TBX15: variants seen among roughly 807,000 people sequenced by gnomAD.
TBX15 encodes the protein T-box transcription factor TBX15.
A neutral mutation model predicts 53.9 loss-of-function variants in TBX15; 18 were observed. The observed-to-expected ratio is 0.33, with a 90% confidence interval of 0.23 to 0.49. The LOEUF (loss-of-function observed/expected upper bound fraction) is 0.49, where lower values mean the gene tolerates loss of function less well. Ranked by LOEUF, TBX15 falls within the 20% of genes least tolerant of loss-of-function variation. The pLI, the probability that TBX15 is intolerant of heterozygous loss-of-function variation, is 0.98. For missense variants in TBX15, 692 were observed against 749.5 expected, an observed-to-expected ratio of 0.92 and a Z score of 0.90; for synonymous variants, 295 against 278.0, an observed-to-expected ratio of 1.06 and a Z score of -0.61.
In TBX15 at chr1:118,923,558, T is replaced by C; in HGVS notation, c.739A>G (p.Ile247Val). Residue 247 changes from isoleucine to valine, a missense_variant, in exon 5 of 8, where the codon ATT (isoleucine) becomes GTT (valine). Ile to Val is a conservative substitution (Grantham distance 29). Around this residue, in one of 3 missense-constraint regions of TBX15, gnomAD observed 307 missense variants for 347.5 expected, o/e 0.88. Coordinates refer to ENST00000369429, the MANE Select transcript of TBX15 (RefSeq NM_001330677.2). ...MHKYQPRVHV[I>V]RKDFSSDLSP... is the part of the protein sequence containing the mutation. ...AGGTCACTGCTGAAGTCTTTGCGAATCACATGAACTCGAGGCTGGTATTTG... is the reference window on the plus strand; with the variant it reads ...AGGTCACTGCTGAAGTCTTTGCGAACCACATGAACTCGAGGCTGGTATTTG... The C allele has an allele frequency of 6.2e-7, 1 of 1,614,038 alleles. No homozygotes were observed. The highest frequency in any genetic ancestry group is 8.5e-7 in the Non-Finnish European group (1 of 1,179,940).
At chr1:118,898,514 G>T (rs1269938322) in intron 7 of TBX15, among the ~76,000 whole-genome samples, 3 of 152,056 alleles carry the variant, frequency 2.0e-5, no homozygotes, top group Non-Finnish European at 1.5e-5. Flanking sequence ...ACTGAGAGGG[G>T]TGTTGTTTTA....
At chr1:118,957,911 G>A (rs1265723032) in intron 1 of TBX15, among the ~76,000 whole-genome samples, 2 of 152,110 alleles carry the variant, frequency 1.3e-5, no homozygotes, top group African/African-American at 4.8e-5. Flanking sequence ...TTGCTGTTGT[G>A]AATAGTGCCG....
intron 1 of TBX15, among the ~76,000 whole-genome samples, chr1:118,970,239 A>G (rs2101697991): frequency 6.6e-6 from 1 of 152,344 alleles, no homozygotes; most frequent in East Asian, 1.9e-4. Flanking sequence ...AGAATGGACT[A>G]GTACAGCCTC....
chr1:118,947,759 A>G (rs1040799570), intron 1 of TBX15, among the ~76,000 whole-genome samples: 23 of 152,124 alleles, frequency 1.5e-4, no homozygotes, highest in African/African-American at 5.6e-4. Context: ...GGAAACTGAG[A>G]CTCGGTGAAG....
chr1:118,887,778 G>T (rs1653997755), intron 7 of TBX15, among the ~76,000 whole-genome samples: 1 of 151,462 alleles, frequency 6.6e-6, no homozygotes, highest in African/African-American at 2.4e-5. Flanking sequence ...AGAGACAGAT[G>T]CCCTCAAAGA....
intron 5 of TBX15, among the ~76,000 whole-genome samples, chr1:118,918,072 A>G (rs918539708): frequency 6.6e-6 from 1 of 152,086 alleles, no homozygotes; most frequent in African/African-American, 2.4e-5. Context: ...CACATAGCTG[A>G]CTCCTCGTCC....
intron 6 of TBX15, among the ~76,000 whole-genome samples, chr1:118,902,304 T>C (rs893575604): frequency 6.6e-6 from 1 of 152,180 alleles, no homozygotes; most frequent in Non-Finnish European, 1.5e-5. Flanking sequence ...GTTCTATATA[T>C]CAATATTTGG....
chr1:118,951,103 A>G (rs1656497713), intron 1 of TBX15, among the ~76,000 whole-genome samples: 1 of 152,274 alleles, frequency 6.6e-6, no homozygotes, highest in South Asian at 2.1e-4. Flanking sequence ...AGGATATTAC[A>G]GAAAACAAAC....
intron 3 of TBX15, among the ~76,000 whole-genome samples, chr1:118,925,081 G>T (rs146179275): frequency 1.8e-4 from 28 of 152,240 alleles, no homozygotes; most frequent in African/African-American, 6.7e-4. Context: ...TTCAGCCCTC[G>T]CAAGGAAAAC....
intron 5 of TBX15, among the ~76,000 whole-genome samples, chr1:118,914,850 C>A (rs1467042659): frequency 6.6e-6 from 1 of 152,178 alleles, no homozygotes; most frequent in African/African-American, 2.4e-5. Flanking sequence ...GTTATCCAGT[C>A]TCCAAGACTC....
At chr1:118,965,516 T>C (rs566765116) in intron 1 of TBX15, among the ~76,000 whole-genome samples, 5 of 152,168 alleles carry the variant, frequency 3.3e-5, no homozygotes, top group South Asian at 2.1e-4. Context: ...GGGAGGGTAA[T>C]CTGGAATAAC....
At chr1:118,902,155 T>C (rs1049065304) in intron 6 of TBX15, among the ~76,000 whole-genome samples, 1 of 152,146 alleles carries the variant, frequency 6.6e-6, no homozygotes, top group Non-Finnish European at 1.5e-5. Flanking sequence ...TAGATTTATA[T>C]TATTGATTTT....
intron 1 of TBX15, among the ~76,000 whole-genome samples, chr1:118,939,538 G>C (rs10923701): frequency 6.7e-6 from 1 of 149,408 alleles, no homozygotes; most frequent in Non-Finnish European, 1.5e-5. Flanking sequence ...AGACACTGAA[G>C]ACTGCTAGAT....
chr1:118,951,744 C>T (rs1413978696), intron 1 of TBX15, among the ~76,000 whole-genome samples: 2 of 152,200 alleles, frequency 1.3e-5, no homozygotes, highest in Non-Finnish European at 2.9e-5. Flanking sequence ...TTGCACCACA[C>T]ACTCAAAAGG....
intron 1 of TBX15, among the ~76,000 whole-genome samples, chr1:118,936,714 A>G (rs1348449341): frequency 6.6e-6 from 1 of 152,196 alleles, no homozygotes; most frequent in Non-Finnish European, 1.5e-5. Flanking sequence ...CTCTGCCAAG[A>G]CTGTACATGC....
chr1:118,974,346 T>G (rs751495343), intron 1 of TBX15, among the ~76,000 whole-genome samples: 7 of 152,212 alleles, frequency 4.6e-5, no homozygotes, highest in Non-Finnish European at 1.0e-4. Context: ...TCTTTTTTGC[T>G]TCTGAAAGCC....
At chr1:118,932,641 T>C (rs1479708751) in intron 1 of TBX15, among the ~76,000 whole-genome samples, 1 of 152,110 alleles carries the variant, frequency 6.6e-6, no homozygotes. Flanking sequence ...AAATAAAAAG[T>C]TGGCATGCTG....
At chr1:118,893,918 G>GA (rs1442929545) in intron 7 of TBX15, among the ~76,000 whole-genome samples, 3 of 152,000 alleles carry the variant, frequency 2.0e-5, no homozygotes, top group Admixed American at 6.6e-5. Context: ...AATCATGCGG[G>GA]AAAAAAATAG....
chr1:118,945,942 T>C (rs1295613580), intron 1 of TBX15, among the ~76,000 whole-genome samples: 1 of 152,248 alleles, frequency 6.6e-6, no homozygotes, highest in African/African-American at 2.4e-5. Flanking sequence ...CTGTTGTATA[T>C]ATTAAAGTAT....
Sources: allele counts gnomAD v4.1 joint callset (sites outside exome capture counted in the v4.1 genomes callset), GRCh38; gene constraint gnomAD v4.1.1; regional missense constraint gnomAD v4.1.1; transcripts MANE v1.5; gene names NCBI Gene and HGNC (gene_info 2026-07-23, HGNC 2026-07-21).